GRM7: variants seen among roughly 807,000 people sequenced by gnomAD.
GRM7 encodes glutamate metabotropic receptor 7, also known as metabotropic glutamate receptor 7.
Under a neutral mutation model 84.5 loss-of-function variants are expected in GRM7, and 35 were observed. That is an observed-to-expected ratio of 0.41 (90% CI 0.32 to 0.55). GRM7 has a LOEUF of 0.55. Among genes scored for constraint, GRM7 ranks in the 20% least tolerant of loss-of-function variants. The pLI is 0.19. For missense variants in GRM7, 1,003 were observed against 1,194.6 expected (o/e 0.84, Z 2.36); for synonymous variants, 487 against 455.1 (o/e 1.07, Z -0.89).
chr3:6,882,510 C>T (rs1054226282), intron 1 of GRM7, among the ~76,000 whole-genome samples: 1 of 151,992 alleles, frequency 6.6e-6, no homozygotes, highest in East Asian at 1.9e-4. Context: ...TGCACCACTG[C>T]CCCCCGGCCT....
At chr3:7,073,474 T>C (rs1239531518) in intron 1 of GRM7, among the ~76,000 whole-genome samples, 1 of 152,124 alleles carries the variant, frequency 6.6e-6, no homozygotes, top group East Asian at 1.9e-4. Context: ...GCAGATGGTC[T>C]GCTTTATATT....
chr3:7,613,350 T>C (rs904879958), intron 8 of GRM7, among the ~76,000 whole-genome samples: 1 of 152,204 alleles, frequency 6.6e-6, no homozygotes, highest in South Asian at 2.1e-4. Flanking sequence ...CGTACATATG[T>C]CATGCATATT....
chr3:7,113,545 C>T (rs1256760061), intron 1 of GRM7, among the ~76,000 whole-genome samples: 2 of 152,062 alleles, frequency 1.3e-5, no homozygotes, highest in African/African-American at 2.4e-5. Flanking sequence ...TCTTGATGAA[C>T]TTACAATGAC....
At chr3:7,675,678 A>G (rs1017720212) in intron 8 of GRM7, among the ~76,000 whole-genome samples, 2 of 152,350 alleles carry the variant, frequency 1.3e-5, no homozygotes, top group African/African-American at 4.8e-5. Context: ...CTGACTAGAC[A>G]TGAATAGGAG....
intron 8 of GRM7, among the ~76,000 whole-genome samples, chr3:7,626,926 T>C (rs1275064929): frequency 3.7e-5 from 1 of 26,774 alleles, no homozygotes; most frequent in African/African-American, 1.1e-4. Flanking sequence ...GAGCACCTCT[T>C]TTTTTTTTTT....
intron 2 of GRM7, among the ~76,000 whole-genome samples, chr3:7,178,358 T>C (rs1695222889): frequency 6.6e-6 from 1 of 152,216 alleles, no homozygotes; most frequent in Non-Finnish European, 1.5e-5. Flanking sequence ...TTGTTTTACA[T>C]TGTGTAATCA....
chr3:7,315,237 A>T (rs1700542438), intron 4 of GRM7, among the ~76,000 whole-genome samples: 2 of 152,136 alleles, frequency 1.3e-5, no homozygotes, highest in African/African-American at 4.8e-5. Flanking sequence ...GCTTGCCCTG[A>T]CCTAGGTCAG....
intron 2 of GRM7, among the ~76,000 whole-genome samples, chr3:7,267,813 C>A (rs955052241): frequency 2.6e-5 from 4 of 152,102 alleles, no homozygotes; most frequent in African/African-American, 9.7e-5. Flanking sequence ...AGTTTTGGCT[C>A]TTTGCCTGAG....
chr3:7,377,721 A>G (rs12107827), intron 4 of GRM7, among the ~76,000 whole-genome samples: 9,230 of 152,244 alleles, frequency 0.061, 884 homozygotes, highest in African/African-American at 0.21. Flanking sequence ...TTAGTAAAAG[A>G]CACCAATTCT....
chr3:7,703,284 T>C (rs1296614784), intron 9 of GRM7, among the ~76,000 whole-genome samples: 1 of 152,112 alleles, frequency 6.6e-6, no homozygotes, highest in Non-Finnish European at 1.5e-5. Flanking sequence ...AATCAGAAAC[T>C]CTGGGGTTTA....
At chr3:7,312,362 G>A (rs1700428665) in intron 4 of GRM7, among the ~76,000 whole-genome samples, 1 of 152,068 alleles carries the variant, frequency 6.6e-6, no homozygotes, top group African/African-American at 2.4e-5. Context: ...CCCAGAAGAA[G>A]AGAGCAGTTC....
chr3:7,245,918 T>C (rs957012679), intron 2 of GRM7, among the ~76,000 whole-genome samples: 1 of 152,084 alleles, frequency 6.6e-6, no homozygotes, highest in African/African-American at 2.4e-5. Flanking sequence ...ATCAAATTAA[T>C]AAAACATTTA....
intron 1 of GRM7, among the ~76,000 whole-genome samples, chr3:6,899,012 C>A (rs985440098): frequency 5.3e-5 from 8 of 152,018 alleles, no homozygotes; most frequent in African/African-American, 1.9e-4. Context: ...TTCCATATTG[C>A]AATCAGTAAA....
At chr3:6,886,817 C>T (rs1179501277) in intron 1 of GRM7, among the ~76,000 whole-genome samples, 1 of 151,434 alleles carries the variant, frequency 6.6e-6, no homozygotes, top group Admixed American at 6.6e-5. Context: ...TAATAAAATG[C>T]TTAGGATGTC....
intron 1 of GRM7, among the ~76,000 whole-genome samples, chr3:6,867,432 C>G (rs759459997): frequency 6.6e-6 from 1 of 152,190 alleles, no homozygotes; most frequent in Non-Finnish European, 1.5e-5. Flanking sequence ...ACAGACACTT[C>G]TGATGTAAAC....
chr3:7,343,222 G>A lies in GRM7; in HGVS notation c.1033+36570G>A, dbSNP rs371929437. 3.9e-4 allele frequency among the ~76,000 whole-genome samples: 59 copies of A among 152,012 alleles called. 1 individual carries two copies. The South Asian group carries it at 9.4e-3, about 24-fold the overall frequency. On this transcript the variant is annotated intron_variant, in intron 4 of 9. Transcript: ENST00000357716. ...ATAGCAGTTTACAGATCTTTTAAGAGGTGTTTTTTTTCTTCTTCTTCTTCT... is the reference window on the plus strand; with the variant it reads ...ATAGCAGTTTACAGATCTTTTAAGAAGTGTTTTTTTTCTTCTTCTTCTTCT...
intron 6 of GRM7, among the ~76,000 whole-genome samples, chr3:7,456,902 C>G (rs1300339543): frequency 1.3e-5 from 2 of 151,956 alleles, no homozygotes; most frequent in African/African-American, 4.8e-5. Context: ...TTTACGGGAG[C>G]AAAGCTTAGA....
intron 1 of GRM7, among the ~76,000 whole-genome samples, chr3:7,066,208 C>T (rs751464348): frequency 6.6e-6 from 1 of 151,530 alleles, no homozygotes; most frequent in Non-Finnish European, 1.5e-5. Flanking sequence ...AAAAAACAAA[C>T]AAAATTTACA....
intron 9 of GRM7, chr3:7,694,430 A>G: frequency 1.1e-6 from 1 of 946,618 alleles, no homozygotes; most frequent in Non-Finnish European, 1.3e-6. Flanking sequence ...GTCATCCTGT[A>G]CCACACATAA....
Sources: allele counts gnomAD v4.1 joint callset (sites outside exome capture counted in the v4.1 genomes callset), GRCh38; gene constraint gnomAD v4.1.1; transcripts MANE v1.5; gene names NCBI Gene and HGNC (gene_info 2026-07-23, HGNC 2026-07-21).